ADAMTS3: variants seen among roughly 807,000 people sequenced by gnomAD.
The protein encoded by ADAMTS3 is A disintegrin and metalloproteinase with thrombospondin motifs 3.
In ADAMTS3, 73 loss-of-function variants were observed where a neutral mutation model predicts 129.0. That is an observed-to-expected ratio of 0.57 (90% confidence interval 0.47 to 0.69). ADAMTS3 has a LOEUF of 0.69. Ranked by LOEUF, ADAMTS3 falls within the 30% of genes least tolerant of loss-of-function variation. ADAMTS3 has a pLI of 0.00. For missense variants in ADAMTS3, 1,457 were observed against 1,514.5 expected (o/e 0.96, Z 0.63); for synonymous variants, 477 against 510.8 (o/e 0.93, Z 0.89).
At chr4:72,287,083 G>C (rs951550051) in intron 21 of ADAMTS3, among the ~76,000 whole-genome samples, 5 of 151,970 alleles carry the variant, frequency 3.3e-5, no homozygotes, top group African/African-American at 2.4e-5. Flanking sequence ...AGGCCATCAG[G>C]GTGGAGCGCT....
intron 3 of ADAMTS3, among the ~76,000 whole-genome samples, chr4:72,430,647 G>T (rs1481668): frequency 0.67 from 101,131 of 151,736 alleles, 33,888 homozygotes; most frequent in South Asian, 0.8. Flanking sequence ...TATGCTCTAA[G>T]TTTGAGGTGA....
chr4:72,491,951 T>C (rs1719756805), intron 3 of ADAMTS3, among the ~76,000 whole-genome samples: 1 of 151,800 alleles, frequency 6.6e-6, no homozygotes, highest in South Asian at 2.1e-4. Flanking sequence ...TATTTGTTAT[T>C]GTCCTTTTCA....
At chr4:72,484,507 T>C (rs1487116111) in intron 3 of ADAMTS3, among the ~76,000 whole-genome samples, 1 of 152,146 alleles carries the variant, frequency 6.6e-6, no homozygotes, top group African/African-American at 2.4e-5. Flanking sequence ...AATGGAGTTG[T>C]ATTTGATTCA....
chr4:72,309,410 A>T lies in ADAMTS3; in HGVS notation c.2166T>A (p.Thr722=). The T allele has an allele frequency of 1.2e-6, 2 of 1,611,826 alleles. No homozygotes were observed. The highest frequency in any genetic ancestry group is 1.7e-6 in the Non-Finnish European group (2 of 1,178,388). The change falls in exon 15 of 22, where the codon ACT becomes ACA. Residue 722 remains threonine, a synonymous_variant. Coordinates refer to ENST00000286657, the MANE Select transcript of ADAMTS3 (RefSeq NM_014243.3). The part of the protein sequence containing the change: ...CRTVKGTFTR[T]PRKLGYLKMF... ...ACCTCATCTTACCAAGCTTCCTGGGAGTTCTGGTAAATGTCCCCTTCACGG... is the reference window on the plus strand; with the variant it reads ...ACCTCATCTTACCAAGCTTCCTGGGTGTTCTGGTAAATGTCCCCTTCACGG...
intron 4 of ADAMTS3, among the ~76,000 whole-genome samples, chr4:72,366,162 AAAT>A (rs1720862667): frequency 1.3e-5 from 2 of 152,192 alleles, no homozygotes; most frequent in African/African-American, 2.4e-5. Context: ...GCATTGGCAA[AAAT>A]AATAATAACC....
chr4:72,477,533 C>A lies in ADAMTS3; in HGVS notation c.505-62562G>T, dbSNP rs373914592. ...AACATACCAGAATCTCTGGGACACA[C>A]TCAAAGCAGTGTGTAGAGGGAAATT... On this transcript the variant is annotated intron_variant, in intron 3 of 21. Transcript: ENST00000286657. 6.9e-3 allele frequency among the ~76,000 whole-genome samples: 1,046 copies of A among 151,832 alleles called. 19 individuals carry two copies. Among genetic ancestry groups the A allele is most frequent in the African/African-American group, 0.024 (999 of 41,452 alleles).
At chr4:72,388,572 T>C (rs1318572928) in intron 4 of ADAMTS3, among the ~76,000 whole-genome samples, 1 of 152,188 alleles carries the variant, frequency 6.6e-6, no homozygotes, top group African/African-American at 2.4e-5. Context: ...ACAGTTTCAA[T>C]TTCTGGACTA....
At chr4:72,470,338 C>A (rs1170705712) in intron 3 of ADAMTS3, among the ~76,000 whole-genome samples, 1 of 135,694 alleles carries the variant, frequency 7.4e-6, no homozygotes, top group Non-Finnish European at 1.6e-5. Flanking sequence ...TTACTCAAGT[C>A]ATTTTCTGAA....
At position 72,313,686 on chromosome 4, in the gene ADAMTS3, T is replaced by C; in HGVS notation, c.1736A>G (p.Asn579Ser). 1.2e-6 allele frequency: 2 copies of C among 1,613,566 alleles called. No homozygotes were observed. Among genetic ancestry groups the C allele is most frequent in the Non-Finnish European group, 1.7e-6 (2 of 1,179,744 alleles). Residue 579 changes from asparagine to serine, a missense_variant, in exon 12 of 22, where the codon AAT (asparagine) becomes AGT (serine). Asn to Ser is a conservative substitution (Grantham distance 46). Transcript: ENST00000286657. The stretch of plus-strand genomic sequence containing the variant: ...ACAAGGATATACTCACATGGGATTA[T>C]TGCACTGGCGTGTTCTGAAACGAAC... Reference protein sequence around the residue: ...TGVRFRTRQCNNPMPINGGQD... With the variant: ...TGVRFRTRQCSNPMPINGGQD...
chr4:72,477,624 T>G (rs1719278572), intron 3 of ADAMTS3, among the ~76,000 whole-genome samples: 1 of 151,828 alleles, frequency 6.6e-6, no homozygotes, highest in Non-Finnish European at 1.5e-5. Context: ...ACATCACAAT[T>G]AAAAGATCTA....
At position 72,491,654 on chromosome 4, in the gene ADAMTS3, C is replaced by T. The variant is rs556140660; in HGVS notation, c.504+56824G>A. 5.9e-5 allele frequency among the ~76,000 whole-genome samples: 9 copies of T among 151,818 alleles called. No homozygotes were observed. In the East Asian group the frequency reaches 1.4e-3, roughly 23 times the overall value. On this transcript the variant is annotated intron_variant, in intron 3 of 21. Coordinates refer to ENST00000286657, the MANE Select transcript of ADAMTS3 (RefSeq NM_014243.3). ...CATGGTGTTGGATCCTTTTATCATG[C>T]TGTTGATTAGGGTTACTGGTATTTC...
chr4:72,411,711 A>C (rs191904215), intron 4 of ADAMTS3, among the ~76,000 whole-genome samples: 43 of 152,202 alleles, frequency 2.8e-4, no homozygotes, highest in African/African-American at 1.0e-3. Flanking sequence ...ATCTACTCAA[A>C]TTGGACCAAC....
intron 2 of ADAMTS3, among the ~76,000 whole-genome samples, chr4:72,550,755 A>T (rs1159993201): frequency 6.6e-6 from 1 of 152,160 alleles, no homozygotes; most frequent in Non-Finnish European, 1.5e-5. Context: ...CAAACTCAAA[A>T]TATAAGAGAA....
At chr4:72,310,496 T>C (rs1010140263) in intron 14 of ADAMTS3, among the ~76,000 whole-genome samples, 1 of 152,108 alleles carries the variant, frequency 6.6e-6, no homozygotes, top group Non-Finnish European at 1.5e-5. Flanking sequence ...GTTAATAAGA[T>C]AATTTCATAT....
chr4:72,514,589 A>G (rs192031626), intron 3 of ADAMTS3, among the ~76,000 whole-genome samples: 2 of 152,208 alleles, frequency 1.3e-5, no homozygotes, highest in Admixed American at 6.5e-5. Context: ...TTTGCCACGT[A>G]CCTGCCTATT....
In ADAMTS3 at chr4:72,538,855, A is replaced by T. The variant is rs183892162; in HGVS notation, c.504+9623T>A. Among the ~76,000 whole-genome samples the T allele has an allele frequency of 1.5e-3, 236 of 152,280 alleles. 1 individual carries two copies. Among genetic ancestry groups the T allele is most frequent in the African/African-American group, 5.5e-3 (229 of 41,566 alleles). ...AATAGAATAGAAAGTCCAGAAATAA[A>T]TTGTTGCATATATGGTCAAATGATT... On this transcript the variant is annotated intron_variant, in intron 3 of 21. Coordinates refer to ENST00000286657, the MANE Select transcript of ADAMTS3 (RefSeq NM_014243.3).
At chr4:72,341,231 C>T (rs1325856079) in intron 4 of ADAMTS3, among the ~76,000 whole-genome samples, 3 of 152,220 alleles carry the variant, frequency 2.0e-5, no homozygotes, top group East Asian at 3.9e-4. Context: ...ACACCAATAC[C>T]CTCCCTTACA....
At chr4:72,344,421 GT>G (rs912238852) in intron 4 of ADAMTS3, among the ~76,000 whole-genome samples, 26 of 152,086 alleles carry the variant, frequency 1.7e-4, no homozygotes, top group African/African-American at 5.1e-4. Context: ...TACATTTGGG[GT>G]TGGAATGCAA....
intron 3 of ADAMTS3, among the ~76,000 whole-genome samples, chr4:72,507,028 A>G (rs906688998): frequency 1.3e-5 from 2 of 152,214 alleles, no homozygotes; most frequent in Non-Finnish European, 2.9e-5. Context: ...ACCACTCCAT[A>G]TATCAACAAG....
Sources: gnomAD v4.1 joint callset for allele counts (sites outside exome capture counted in the v4.1 genomes callset) on GRCh38, gnomAD v4.1.1 for gene constraint, MANE v1.5 for transcripts, NCBI Gene and HGNC (gene_info 2026-07-23, HGNC 2026-07-21) for gene names.